Variants in LUZP2 observed in about 807,000 individuals in gnomAD.
LUZP2 encodes the protein leucine zipper protein 2.
In LUZP2, 52 loss-of-function variants were observed where a neutral mutation model predicts 51.6. That is an observed-to-expected ratio of 1.01 (90% confidence interval 0.81 to 1.27). The LOEUF (loss-of-function observed/expected upper bound fraction) is 1.27, where lower values mean the gene tolerates loss of function less well. LUZP2 is among the 50% of genes most tolerant of loss of function. The pLI, the probability that LUZP2 is intolerant of heterozygous loss-of-function variation, is 0.00. For synonymous variants in LUZP2, 154 were observed against 137.3 expected, an observed-to-expected ratio of 1.12 and a Z score of -0.85; for missense variants, 436 against 395.4, an observed-to-expected ratio of 1.10 and a Z score of -0.87.
chr11:24,744,087 C>G (rs1038956926), intron 4 of LUZP2, among the ~76,000 whole-genome samples: 5 of 151,984 alleles, frequency 3.3e-5, no homozygotes, highest in Non-Finnish European at 5.9e-5. Flanking sequence ...GGTAGATTAT[C>G]TTTTTGATAT....
chr11:24,798,677 G>T (rs896423829), intron 5 of LUZP2, among the ~76,000 whole-genome samples: 7 of 152,136 alleles, frequency 4.6e-5, no homozygotes, highest in Non-Finnish European at 1.0e-4. Context: ...GGCTGTGGGA[G>T]ACTAGGACTG....
At chr11:24,897,009 G>A (rs1325858565) in intron 5 of LUZP2, among the ~76,000 whole-genome samples, 1 of 152,156 alleles carries the variant, frequency 6.6e-6, no homozygotes, top group Non-Finnish European at 1.5e-5. Flanking sequence ...CTCAAGGTGT[G>A]TAAACGCACC....
At chr11:24,580,128 C>A (rs532683756) in intron 1 of LUZP2, among the ~76,000 whole-genome samples, 1 of 151,812 alleles carries the variant, frequency 6.6e-6, no homozygotes, top group African/African-American at 2.4e-5. Context: ...TTAAGATATC[C>A]CTAGTTCCCT....
intron 7 of LUZP2, among the ~76,000 whole-genome samples, chr11:24,958,549 T>A (rs1855282480): frequency 1.3e-5 from 2 of 152,258 alleles, no homozygotes; most frequent in South Asian, 4.1e-4. Flanking sequence ...CATAAATGTC[T>A]TCTTTTGAGA....
intron 10 of LUZP2, among the ~76,000 whole-genome samples, chr11:25,057,399 T>A (rs1858720471): frequency 6.6e-6 from 1 of 152,092 alleles, no homozygotes; most frequent in Non-Finnish European, 1.5e-5. Context: ...AAACTTGAAA[T>A]GGATCACTAA....
At chr11:24,558,116 A>G (rs968522050) in intron 1 of LUZP2, among the ~76,000 whole-genome samples, 1 of 152,142 alleles carries the variant, frequency 6.6e-6, no homozygotes, top group Non-Finnish European at 1.5e-5. Flanking sequence ...GAACAGGACC[A>G]TCCTTCTCCT....
At chr11:24,667,800 A>G (rs563567211) in intron 1 of LUZP2, among the ~76,000 whole-genome samples, 1 of 152,308 alleles carries the variant, frequency 6.6e-6, no homozygotes, top group Non-Finnish European at 1.5e-5. Context: ...GAATGCTTCT[A>G]TTTGCATTGC....
intron 1 of LUZP2, among the ~76,000 whole-genome samples, chr11:24,554,563 T>C (rs1851811390): frequency 6.6e-6 from 1 of 152,076 alleles, no homozygotes; most frequent in South Asian, 2.1e-4. Flanking sequence ...ATGTCCTTTC[T>C]ATCTACTGAG....
chr11:24,768,776 AAG>A (rs969114299), intron 5 of LUZP2, among the ~76,000 whole-genome samples: 3 of 34,992 alleles, frequency 8.6e-5, no homozygotes, highest in African/African-American at 2.1e-4. Context: ...GATGTGGAGA[AAG>A]AACTGTTATA....
intron 7 of LUZP2, among the ~76,000 whole-genome samples, chr11:24,917,684 A>G (rs1185845683): frequency 1.3e-5 from 2 of 151,324 alleles, no homozygotes; most frequent in Admixed American, 1.3e-4. Context: ...GTTCTGTTCC[A>G]TTGGTCTATA....
chr11:24,824,792 T>C (rs1032153935), intron 5 of LUZP2, among the ~76,000 whole-genome samples: 1 of 152,152 alleles, frequency 6.6e-6, no homozygotes, highest in Non-Finnish European at 1.5e-5. Flanking sequence ...TTCAAAAATC[T>C]CATTTTGTGT....
At chr11:25,008,151 C>T (rs993583424) in intron 9 of LUZP2, among the ~76,000 whole-genome samples, 15 of 152,312 alleles carry the variant, frequency 9.8e-5, no homozygotes, top group Admixed American at 5.9e-4. Context: ...TCTGCCCACT[C>T]GGCCTATTGG....
At chr11:24,923,671 T>A (rs1159480813) in intron 7 of LUZP2, among the ~76,000 whole-genome samples, 1 of 152,050 alleles carries the variant, frequency 6.6e-6, no homozygotes, top group East Asian at 1.9e-4. Context: ...CACTCCAGCC[T>A]GGCACAGACG....
intron 7 of LUZP2, among the ~76,000 whole-genome samples, chr11:24,917,503 A>T (rs1473529349): frequency 2.6e-5 from 4 of 152,058 alleles, no homozygotes; most frequent in African/African-American, 9.7e-5. Flanking sequence ...TCTTGAATTA[A>T]TTTTTGTATA....
intron 5 of LUZP2, among the ~76,000 whole-genome samples, chr11:24,890,063 C>A (rs1590694441): frequency 6.6e-6 from 1 of 152,208 alleles, no homozygotes; most frequent in African/African-American, 2.4e-5. Flanking sequence ...TTCTCCCCCA[C>A]CCCCATGGAA....
chr11:24,625,976 T>C (rs1227487199), intron 1 of LUZP2, among the ~76,000 whole-genome samples: 1 of 152,142 alleles, frequency 6.6e-6, no homozygotes, highest in African/African-American at 2.4e-5. Flanking sequence ...ACATAAATAG[T>C]TACCAACTAG....
chr11:24,982,401 A>C (rs1288061799), intron 8 of LUZP2, among the ~76,000 whole-genome samples: 1 of 151,910 alleles, frequency 6.6e-6, no homozygotes, highest in Non-Finnish European at 1.5e-5. Context: ...TATGTGACAC[A>C]TATACACCAT....
chr11:24,576,103 A>G (rs1282169454), intron 1 of LUZP2, among the ~76,000 whole-genome samples: 1 of 152,098 alleles, frequency 6.6e-6, no homozygotes, highest in Non-Finnish European at 1.5e-5. Flanking sequence ...TAATTCCTCT[A>G]TTACATTTTT....
Position 24,819,910 on chromosome 11 carries a change from G to A in LUZP2, c.396+56602G>A, listed in dbSNP as rs532779119. ...GACACTAGGCACAGAAAATGAAAAT[G>A]ACAATTCCTTACTTTATGTTATAGG... On this transcript the variant is annotated intron_variant, in intron 5 of 11. Transcript: ENST00000336930. Among the ~76,000 whole-genome samples, 23 of 152,182 alleles carry A rather than the reference G, an allele frequency of 1.5e-4. No individual in the cohort carries two copies. In the East Asian group the frequency reaches 3.9e-3, roughly 26 times the overall value.
Sources: allele counts gnomAD v4.1 joint callset (sites outside exome capture counted in the v4.1 genomes callset), GRCh38; gene constraint gnomAD v4.1.1; transcripts MANE v1.5; gene names NCBI Gene and HGNC (gene_info 2026-07-23, HGNC 2026-07-21).